Variants in CORO7 observed in about 807,000 individuals in gnomAD.
CORO7 encodes coronin-7.
CORO7 carries 107 observed loss-of-function variants against 126.6 expected under a neutral mutation model. That is an observed-to-expected ratio of 0.85 (90% CI 0.72 to 0.99). CORO7 has a LOEUF of 0.99. Among genes scored for constraint, CORO7 ranks in the 50% least tolerant of loss-of-function variants. The pLI, the probability that CORO7 is intolerant of heterozygous loss-of-function variation, is 0.00. For synonymous variants in CORO7, 603 were observed against 536.8 expected (o/e 1.12, Z -1.70); for missense variants, 1,314 against 1,255.8 (o/e 1.05, Z -0.70).
At chr16:4,407,997 G>A (rs548100657) in intron 4 of CORO7, among the ~76,000 whole-genome samples, 184 bp downstream of exon 4, 8 of 152,272 alleles carry the variant, frequency 5.3e-5, no homozygotes, top group East Asian at 3.9e-4. Context: ...TCAGAGCCAC[G>A]GCTCCAAGCA....
rs759492410 is a variant in CORO7, at chr16:4,364,661, G to A, written c.1073C>T (p.Pro358Leu). Residue 358 changes from proline to leucine, a missense_variant, in exon 13 of 28, where the codon CCG becomes CTG. Pro to Leu is a moderately conservative substitution (Grantham distance 98). Coordinates refer to ENST00000251166, the MANE Select transcript of CORO7 (RefSeq NM_024535.5). ...KAVEFHEDLFPDTAGCVPATD... is the reference protein window; with the variant it reads ...KAVEFHEDLFLDTAGCVPATD... ...GGCAGGCACACAGCCGGCAGTGTCC[G>A]GGAACAGGTCCTCGTGGAACTCCAC... 11 of 1,582,086 alleles carry A rather than the reference G, an allele frequency of 7.0e-6. No individual in the cohort carries two copies. The highest frequency in any genetic ancestry group is 5.5e-5 in the Admixed American group (3 of 54,808).
intron 3 of CORO7, among the ~76,000 whole-genome samples, chr16:4,409,207 C>T (rs1476812101): frequency 6.6e-6 from 1 of 152,220 alleles, no homozygotes; most frequent in African/African-American, 2.4e-5. Flanking sequence ...TGTCTTCCTC[C>T]CGGCCTCAGG....
At chr16:4,358,288 C>G (rs777049280) in intron 24 of CORO7, 79 bp downstream of exon 24, 2 of 1,553,532 alleles carry the variant, frequency 1.3e-6, no homozygotes, top group East Asian at 2.3e-5. Flanking sequence ...AGTTTGGAAG[C>G]TGGGTCAGAC....
At position 4,388,627 on chromosome 16, in the gene CORO7, G is replaced by A. The variant is rs1272085223; in HGVS notation, c.620C>T (p.Thr207Met). The A allele has an allele frequency of 9.9e-6, 16 of 1,610,906 alleles. No individual in the cohort carries two copies. The highest frequency in any genetic ancestry group is 5.0e-5 in the Admixed American group (3 of 59,652). The change falls in exon 8 of 28, where the codon ACG becomes ATG. Residue 207 changes from threonine to methionine, a missense_variant. By Grantham distance (81) the Thr-to-Met change is moderately conservative (BLOSUM62 -1). Transcript: ENST00000251166. Reference protein sequence around the residue: ...PRTKPRASQSTQAHENSRDSR... With the variant: ...PRTKPRASQSMQAHENSRDSR... ...ATCCCTGCTGTTCTCATGGGCCTGCGTGCTCTGCAGGAGGCAAGAGGTGGA... is the reference window on the plus strand; with the variant it reads ...ATCCCTGCTGTTCTCATGGGCCTGCATGCTCTGCAGGAGGCAAGAGGTGGA...
rs570701648 is a variant in CORO7, at chr16:4,387,273, C to T, written c.785+713G>A. On this transcript the variant is annotated intron_variant, in intron 9 of 27. Transcript: ENST00000251166. ...GCCCTGGGCCTCCTGGTGTCTGGCT[C>T]CTGAGCCGCAGTGGGCCAAGGCCAT... Among the ~76,000 whole-genome samples, 11 of 152,278 alleles carry T rather than the reference C, an allele frequency of 7.2e-5. No individual in the cohort carries two copies. The South Asian group carries it at 2.3e-3, about 32-fold the overall frequency.
intron 6 of CORO7, among the ~76,000 whole-genome samples, chr16:4,401,267 G>A (rs529599285): frequency 3.9e-5 from 6 of 152,330 alleles, no homozygotes; most frequent in South Asian, 2.1e-4. Flanking sequence ...GGTGTGTGGC[G>A]TTGGGGGAGG....
intron 9 of CORO7, among the ~76,000 whole-genome samples, chr16:4,384,587 G>C (rs1049726478): frequency 6.6e-6 from 1 of 152,256 alleles, no homozygotes; most frequent in Non-Finnish European, 1.5e-5. Flanking sequence ...GCCAGACCCA[G>C]GGAGCAGGCC....
chr16:4,405,356 G>A (rs1274131348), intron 6 of CORO7, 135 bp downstream of exon 6: 14 of 933,668 alleles, frequency 1.5e-5, no homozygotes, highest in Non-Finnish European at 9.0e-6. Context: ...CTAGGGGGCA[G>A]GGCACACAGA....
At chr16:4,389,756 C>T (rs1468188817) in intron 7 of CORO7, among the ~76,000 whole-genome samples, 2 of 152,248 alleles carry the variant, frequency 1.3e-5, no homozygotes, top group African/African-American at 4.8e-5. Context: ...CTGCCCTCAA[C>T]ACCCGGAGAG....
intron 23 of CORO7, 171 bp downstream of exon 23, chr16:4,359,125 A>C: frequency 2.7e-6 from 2 of 728,230 alleles, no homozygotes; most frequent in Non-Finnish European, 2.2e-6. Flanking sequence ...AAAATTCCTA[A>C]ATAATTCCAG....
At position 4,388,539 on chromosome 16, in the gene CORO7, C is replaced by G; in HGVS notation, c.702+6G>C. On this transcript the variant is annotated splice_donor_region_variant and intron_variant, in intron 8 of 27. Coordinates refer to ENST00000251166, the MANE Select transcript of CORO7 (RefSeq NM_024535.5). ...GTGCCCTGCTCCTCCAGGAGGAACC[C>G]CCTACCTGGTTGAATCCAGTAGACA... 2 of 1,611,382 alleles carry G rather than the reference C, an allele frequency of 1.2e-6. No individual in the cohort carries two copies. Among genetic ancestry groups the G allele is most frequent in the Non-Finnish European group, 1.7e-6 (2 of 1,179,292 alleles).
chr16:4,356,957 C>G (rs1196529427), intron 26 of CORO7: 1 of 665,374 alleles, frequency 1.5e-6, no homozygotes, highest in African/African-American at 1.8e-5. Context: ...TTGGCCTGGC[C>G]AGGGCAGGGC....
At chr16:4,371,344 T>C (rs940333166) in intron 9 of CORO7, among the ~76,000 whole-genome samples, 1 of 152,206 alleles carries the variant, frequency 6.6e-6, no homozygotes, top group African/African-American at 2.4e-5. Context: ...CAGGAGTTTT[T>C]TGAAATTGGG....
chr16:4,390,073 C>T (rs1266383735), intron 7 of CORO7, among the ~76,000 whole-genome samples: 1 of 152,172 alleles, frequency 6.6e-6, no homozygotes, highest in East Asian at 1.9e-4. Flanking sequence ...AGTCCCTGTG[C>T]CCGTGGAATA....
In CORO7 at chr16:4,362,526, A is replaced by T; in HGVS notation, c.1402+86T>A. ...GGTGCCCTGCATGAGGCCTGTGCTC[A>T]GCAGTAGGGTACACAGGAGGATGAC... On this transcript the variant is annotated intron_variant, in intron 15 of 27. Coordinates refer to ENST00000251166, the MANE Select transcript of CORO7 (RefSeq NM_024535.5). The surrounding 1 kb of genome is among the most constrained non-coding windows in gnomAD (Gnocchi z 5.3). The T allele has an allele frequency of 6.8e-7, 1 of 1,471,776 alleles. No homozygotes were observed. The highest frequency in any genetic ancestry group is 9.0e-7 in the Non-Finnish European group (1 of 1,112,662). 91.2% of individuals were successfully genotyped at this position (1,471,776 alleles called of 1,614,324 possible).
intron 26 of CORO7, chr16:4,355,734 G>A (rs1003441287): frequency 1.3e-5 from 3 of 228,728 alleles, no homozygotes; most frequent in African/African-American, 4.5e-5. Context: ...CTCCCACGGT[G>A]CTGGGATTAC....
intron 9 of CORO7, among the ~76,000 whole-genome samples, chr16:4,384,197 T>C (rs758045): frequency 0.75 from 114,322 of 152,224 alleles, 43,130 homozygotes; most frequent in East Asian, 0.79. Flanking sequence ...AGGGCCCAGG[T>C]TGGCTTGCAG....
intron 9 of CORO7, among the ~76,000 whole-genome samples, chr16:4,384,986 G>T (rs1418742387): frequency 1.3e-5 from 2 of 152,118 alleles, no homozygotes; most frequent in Non-Finnish European, 2.9e-5. Context: ...CGGGGGGGTG[G>T]CAGGGCCCAA....
At chr16:4,387,046 G>A (rs530388555) in intron 9 of CORO7, among the ~76,000 whole-genome samples, 1 of 152,174 alleles carries the variant, frequency 6.6e-6, no homozygotes, top group Non-Finnish European at 1.5e-5. Flanking sequence ...CCCTTTCCTG[G>A]CTCTGACATT....
Sources: gnomAD v4.1 joint callset for allele counts (sites outside exome capture counted in the v4.1 genomes callset) on GRCh38, gnomAD v4.1.1 for gene constraint, Gnocchi (gnomAD v3.1) non-coding constraint, MANE v1.5 for transcripts, NCBI Gene and HGNC (gene_info 2026-07-23, HGNC 2026-07-21) for gene names.